Variants in GRM5 observed in about 807,000 individuals in gnomAD.
GRM5 encodes glutamate metabotropic receptor 5.
Under a neutral mutation model 83.1 loss-of-function variants are expected in GRM5, and 19 were observed. That is an observed-to-expected ratio of 0.23 (90% CI 0.16 to 0.34). The LOEUF (loss-of-function observed/expected upper bound fraction) is 0.34. GRM5 is among the 10% of genes least tolerant of loss of function. The probability of loss-of-function intolerance (pLI) is 1.00; values close to 1 mark genes in which losing one functional copy is unlikely to be tolerated. For synonymous variants in GRM5, 675 were observed against 633.6 expected, an observed-to-expected ratio of 1.07 and a Z score of -0.98; for missense variants, 1,160 against 1,588.3, an observed-to-expected ratio of 0.73 and a Z score of 4.58.
intron 4 of GRM5, among the ~76,000 whole-genome samples, chr11:88,631,449 A>G (rs1444186424): frequency 6.6e-6 from 1 of 152,196 alleles, no homozygotes; most frequent in Non-Finnish European, 1.5e-5. Flanking sequence ...TTTCTAAAGC[A>G]CAATCGATTG....
intron 2 of GRM5, among the ~76,000 whole-genome samples, chr11:88,947,533 AG>A (rs1193295391): frequency 6.6e-6 from 1 of 151,020 alleles, no homozygotes; most frequent in Non-Finnish European, 1.5e-5. Context: ...TTGCATTGTT[AG>A]TTTTTTTTTT....
At chr11:88,760,471 A>C (rs1349713848) in intron 3 of GRM5, among the ~76,000 whole-genome samples, 2 of 152,104 alleles carry the variant, frequency 1.3e-5, no homozygotes, top group African/African-American at 4.8e-5. Flanking sequence ...GAAATGGGTA[A>C]ATTCTTGGAT....
chr11:88,550,609 A>G (rs1239789506), intron 8 of GRM5, among the ~76,000 whole-genome samples: 2 of 152,178 alleles, frequency 1.3e-5, no homozygotes, highest in African/African-American at 4.8e-5. Flanking sequence ...ACAGATGAGT[A>G]CTTCAGACAG....
chr11:88,904,109 A>T (rs572755970), intron 2 of GRM5, among the ~76,000 whole-genome samples: 4 of 152,278 alleles, frequency 2.6e-5, no homozygotes, highest in South Asian at 4.1e-4. Flanking sequence ...GGATGCATTA[A>T]AAAGATAACA....
At chr11:88,691,010 G>A (rs1162719981) in intron 3 of GRM5, among the ~76,000 whole-genome samples, 1 of 152,134 alleles carries the variant, frequency 6.6e-6, no homozygotes, top group African/African-American at 2.4e-5. Context: ...AGTTTGTAAA[G>A]CACAAAGAGG....
Position 88,801,209 on chromosome 11 carries a change from G to A in GRM5, c.911+48697C>T, listed in dbSNP as rs184728580. Among the ~76,000 whole-genome samples, 351 of 152,170 alleles carry A rather than the reference G, an allele frequency of 2.3e-3. 8 individuals carry two copies. The highest frequency in any genetic ancestry group is 0.021 in the Admixed American group (316 of 15,254). ...AAATGTATAAATAATTGCTGGTAGG[G>A]AATAAGAAAAGTACATTGCCATGTA... On this transcript the variant is annotated intron_variant, in intron 3 of 9. Coordinates refer to ENST00000305447, the MANE Select transcript of GRM5 (RefSeq NM_001143831.3).
At chr11:88,830,847 A>G (rs970016923) in intron 3 of GRM5, among the ~76,000 whole-genome samples, 3 of 152,188 alleles carry the variant, frequency 2.0e-5, no homozygotes, top group African/African-American at 7.2e-5. Context: ...GGGAGACCTC[A>G]CAATCACGAA....
chr11:88,627,143 G>A (rs1005191568), intron 4 of GRM5, among the ~76,000 whole-genome samples: 1 of 152,178 alleles, frequency 6.6e-6, no homozygotes, highest in African/African-American at 2.4e-5. Flanking sequence ...AGAAAGTGAA[G>A]AAAGAGAGTT....
chr11:88,581,039 C>T (rs909313698), intron 7 of GRM5, among the ~76,000 whole-genome samples: 4 of 152,068 alleles, frequency 2.6e-5, no homozygotes, highest in East Asian at 1.9e-4. Flanking sequence ...ACCCGGGAGG[C>T]GGAGGTTGCA....
At chr11:88,743,537 C>A (rs1942071176) in intron 3 of GRM5, among the ~76,000 whole-genome samples, 1 of 152,116 alleles carries the variant, frequency 6.6e-6, no homozygotes, top group Non-Finnish European at 1.5e-5. Flanking sequence ...CTCATAACGA[C>A]CCTCAATGGT....
chr11:89,015,447 A>G (rs1376925730), intron 2 of GRM5, among the ~76,000 whole-genome samples: 1 of 152,158 alleles, frequency 6.6e-6, no homozygotes, highest in Non-Finnish European at 1.5e-5. Context: ...GAAGAAATCA[A>G]TGGGTGTCTG....
At chr11:88,564,325 A>G (rs910102790) in intron 8 of GRM5, among the ~76,000 whole-genome samples, 9 of 152,364 alleles carry the variant, frequency 5.9e-5, no homozygotes, top group African/African-American at 2.2e-4. Context: ...AAAATATTGC[A>G]ACAAAAATCT....
intron 2 of GRM5, among the ~76,000 whole-genome samples, chr11:88,995,186 A>T (rs1940139801): frequency 6.6e-6 from 1 of 152,124 alleles, no homozygotes. Flanking sequence ...TCCACATGTA[A>T]CAAGATATGA....
intron 2 of GRM5, among the ~76,000 whole-genome samples, chr11:88,901,450 A>C (rs1222949319): frequency 6.6e-6 from 1 of 151,804 alleles, no homozygotes; most frequent in Non-Finnish European, 1.5e-5. Flanking sequence ...GTTCTTTCTG[A>C]CTCTAATCTC....
At chr11:88,544,353 A>T (rs373611104) in intron 8 of GRM5, among the ~76,000 whole-genome samples, 1 of 152,022 alleles carries the variant, frequency 6.6e-6, no homozygotes, top group East Asian at 1.9e-4. Flanking sequence ...ACTTCTGGTC[A>T]CTCTTTTCTT....
chr11:88,777,147 C>T lies in GRM5; in HGVS notation c.911+72759G>A, dbSNP rs972244548. 2.0e-5 allele frequency among the ~76,000 whole-genome samples: 3 copies of T among 151,738 alleles called. No individual in the cohort carries two copies. In the East Asian group the frequency reaches 5.8e-4, roughly 29 times the overall value. On this transcript the variant is annotated intron_variant, in intron 3 of 9. Transcript: ENST00000305447. ...GAGGCTTTGTTCATTTCTTTTTACT[C>T]CTTCTCTAACCTTGTCTTCTCGCTT...
chr11:88,628,825 A>G (rs1938879022), intron 4 of GRM5, among the ~76,000 whole-genome samples: 1 of 152,180 alleles, frequency 6.6e-6, no homozygotes, highest in African/African-American at 2.4e-5. Flanking sequence ...AGTGCTCCTG[A>G]GTCTTTTAAG....
chr11:88,989,506 C>T lies in GRM5; in HGVS notation c.661+57706G>A, dbSNP rs1415245651. The stretch of plus-strand genomic sequence containing the variant: ...GAATTGAACTCAGCTCTGCACCAAG[C>T]GGACCTAATAGACATCTACAGAACT... On this transcript the variant is annotated intron_variant, in intron 2 of 9. Coordinates refer to ENST00000305447, the MANE Select transcript of GRM5 (RefSeq NM_001143831.3). 8.6e-5 allele frequency among the ~76,000 whole-genome samples: 11 copies of T among 128,482 alleles called. No homozygotes were observed. The East Asian group carries it at 9.0e-4, about 11-fold the overall frequency. 84.3% of individuals were successfully genotyped at this position (128,482 alleles called of 152,430 possible).
chr11:88,549,654 G>A (rs1431618768), intron 8 of GRM5, among the ~76,000 whole-genome samples: 1 of 151,962 alleles, frequency 6.6e-6, no homozygotes. Context: ...GTGTTTGGAG[G>A]TATAGTATGG....
Sources: gnomAD v4.1 joint callset for allele counts (sites outside exome capture counted in the v4.1 genomes callset) on GRCh38, gnomAD v4.1.1 for gene constraint, MANE v1.5 for transcripts, NCBI Gene and HGNC (gene_info 2026-07-23, HGNC 2026-07-21) for gene names.